Variants in CSNK1G1 observed in about 807,000 individuals in gnomAD.
The protein encoded by CSNK1G1 is casein kinase I isoform gamma-1.
In CSNK1G1, 22 loss-of-function variants were observed where a neutral mutation model predicts 59.6. The ratio of observed to expected loss-of-function variants is 0.37; its 90% CI spans 0.26 to 0.53. The LOEUF (loss-of-function observed/expected upper bound fraction) is 0.53, where lower values mean the gene tolerates loss of function less well. Among genes scored for constraint, CSNK1G1 ranks in the 20% least tolerant of loss-of-function variants. The pLI is 0.89. For synonymous variants in CSNK1G1, 179 were observed against 177.1 expected, an observed-to-expected ratio of 1.01 and a Z score of -0.08; for missense variants, 384 against 519.5, an observed-to-expected ratio of 0.74 and a Z score of 2.54.
At chr15:64,229,444 T>C (rs549373247) in intron 4 of CSNK1G1, among the ~76,000 whole-genome samples, 3 of 152,334 alleles carry the variant, frequency 2.0e-5, no homozygotes, top group Non-Finnish European at 4.4e-5. Context: ...ATGGGTGCCA[T>C]GTCTCTCATG....
At chr15:64,337,696 A>G (rs1486411063) in intron 1 of CSNK1G1, among the ~76,000 whole-genome samples, 1 of 152,206 alleles carries the variant, frequency 6.6e-6, no homozygotes, top group African/African-American at 2.4e-5. Flanking sequence ...TGTACAATTC[A>G]GTGGCATGAA....
intron 1 of CSNK1G1, among the ~76,000 whole-genome samples, chr15:64,310,949 G>A (rs1351534225): frequency 6.8e-6 from 1 of 146,350 alleles, no homozygotes; most frequent in Non-Finnish European, 1.5e-5. Context: ...AAGTTGCAGT[G>A]AGCAGAGATC....
intron 1 of CSNK1G1, among the ~76,000 whole-genome samples, chr15:64,333,505 C>A (rs1897229077): frequency 7.5e-6 from 1 of 133,692 alleles, no homozygotes; most frequent in African/African-American, 2.8e-5. Context: ...ACAAAACTCA[C>A]AAGGTCTATA....
intron 2 of CSNK1G1, among the ~76,000 whole-genome samples, chr15:64,281,565 C>T (rs1042356356): frequency 2.6e-5 from 4 of 152,030 alleles, no homozygotes; most frequent in Non-Finnish European, 4.4e-5. Flanking sequence ...AGGCTGGGGG[C>T]GGTGGCTCAA....
chr15:64,337,414 T>C (rs1163948019), intron 1 of CSNK1G1, among the ~76,000 whole-genome samples: 1 of 152,180 alleles, frequency 6.6e-6, no homozygotes, highest in Admixed American at 6.5e-5. Flanking sequence ...AGTCGTACCA[T>C]GATAGCTCAC....
chr15:64,203,694 TAAAAAAAAAAAA>T (rs531367701), intron 9 of CSNK1G1, among the ~76,000 whole-genome samples: 1 of 56,178 alleles, frequency 1.8e-5, no homozygotes, highest in African/African-American at 7.7e-5. Flanking sequence ...TGAAACTCCG[TAAAAAAAAAAAA>T]AAAAAAAAAA....
At chr15:64,204,004 G>A (rs1012099574) in intron 9 of CSNK1G1, among the ~76,000 whole-genome samples, 20 of 151,836 alleles carry the variant, frequency 1.3e-4, no homozygotes, top group African/African-American at 3.4e-4. Context: ...TTAGCCGGGC[G>A]TGGTGGTGTG....
intron 2 of CSNK1G1, among the ~76,000 whole-genome samples, chr15:64,290,006 C>T (rs1894650328): frequency 6.6e-6 from 1 of 151,876 alleles, no homozygotes. Flanking sequence ...GTTGGTTTTT[C>T]CAATAAGCCT....
chr15:64,266,938 T>C (rs1490916133), intron 2 of CSNK1G1, among the ~76,000 whole-genome samples: 6 of 152,290 alleles, frequency 3.9e-5, no homozygotes, highest in Admixed American at 6.5e-5. Context: ...AAATGCTTCA[T>C]GACATTCTCT....
At position 64,277,339 on chromosome 15, in the gene CSNK1G1, C is replaced by T. The variant is rs1039348185; in HGVS notation, c.182-18098G>A. ...TAATTAGCCAGGCATTGTGGTGCAC[C>T]CTTCAGCCCTAGCTACTTGGGAGGC... On this transcript the variant is annotated intron_variant, in intron 2 of 11. Coordinates refer to ENST00000303052, the MANE Select transcript of CSNK1G1 (RefSeq NM_022048.5). Among the ~76,000 whole-genome samples, 6 of 151,584 alleles carry T rather than the reference C, an allele frequency of 4.0e-5. No homozygotes were observed. The East Asian group carries it at 1.2e-3, about 29-fold the overall frequency.
At chr15:64,230,762 G>T (rs2082536555) in intron 4 of CSNK1G1, among the ~76,000 whole-genome samples, 1 of 152,096 alleles carries the variant, frequency 6.6e-6, no homozygotes, top group South Asian at 2.1e-4. Context: ...CACTAGGTCA[G>T]AAGATTGAGA....
chr15:64,286,133 C>G (rs566062397), intron 2 of CSNK1G1, among the ~76,000 whole-genome samples: 1 of 152,122 alleles, frequency 6.6e-6, no homozygotes, highest in Non-Finnish European at 1.5e-5. Context: ...TTCTCACCCC[C>G]GGACCCCAGC....
rs2081606440 is a variant in CSNK1G1 at position 64,166,625 on chromosome 15, G to C, written c.*5306C>G. 1 of 152,696 alleles carries C rather than the reference G, an allele frequency of 6.5e-6. No homozygotes were observed. The highest frequency in any genetic ancestry group is 6.5e-5 in the Admixed American group (1 of 15,270). The allele number at this position is 152,696 out of a possible 1,614,324, so 9.5% of individuals were successfully genotyped here. A position where few individuals can be genotyped will look rare whatever the true frequency, so the allele number is the denominator to read the frequency against. On this transcript the variant is annotated 3_prime_UTR_variant, in exon 12 of 12. Transcript: ENST00000303052. This position sits in a 1 kb window ranked among gnomAD's most constrained non-coding sequence, Gnocchi z 4.5. ...TAAATATATTTCTCCCCAAAGAAATGGCTCATCTTTCCTGAGACATTCCTA... is the reference window on the plus strand; with the variant it reads ...TAAATATATTTCTCCCCAAAGAAATCGCTCATCTTTCCTGAGACATTCCTA...
At chr15:64,349,532 A>G (rs1898168440) in intron 1 of CSNK1G1, among the ~76,000 whole-genome samples, 1 of 152,178 alleles carries the variant, frequency 6.6e-6, no homozygotes, top group Non-Finnish European at 1.5e-5. Flanking sequence ...TGGGTGAGGG[A>G]CAGACTACAT....
rs141487211 is a variant in CSNK1G1, at chr15:64,195,490, G to A, written c.1107+7592C>T. Among the ~76,000 whole-genome samples, 649 of 152,332 alleles carry A rather than the reference G, an allele frequency of 4.3e-3. 8 individuals carry two copies. The highest frequency in any genetic ancestry group is 0.015 in the African/African-American group (636 of 41,570). Reference sequence around the variant, plus strand: ...TTGGATTTAAAGTACTGAAAGGGCAGGAAGAGTGCTGCTGCATGCACATAG... The same window carrying A: ...TTGGATTTAAAGTACTGAAAGGGCAAGAAGAGTGCTGCTGCATGCACATAG... On this transcript the variant is annotated intron_variant, in intron 10 of 11. Transcript: ENST00000303052.
intron 1 of CSNK1G1, among the ~76,000 whole-genome samples, chr15:64,324,543 A>G (rs1364254389): frequency 2.0e-5 from 3 of 152,228 alleles, no homozygotes. Flanking sequence ...GTGGTTTGCC[A>G]GAGGCTCTCA....
At chr15:64,221,408 C>T (rs2082386680) in intron 4 of CSNK1G1, among the ~76,000 whole-genome samples, 1 of 152,122 alleles carries the variant, frequency 6.6e-6, no homozygotes. Flanking sequence ...CAATTTCTAA[C>T]TATAATGTCA....
chr15:64,340,055 T>C (rs1897605234), intron 1 of CSNK1G1, among the ~76,000 whole-genome samples: 1 of 152,252 alleles, frequency 6.6e-6, no homozygotes, highest in South Asian at 2.1e-4. Context: ...TTCTTTTAAA[T>C]TTCCAAACAT....
At chr15:64,253,716 G>T (rs1290091021) in intron 3 of CSNK1G1, among the ~76,000 whole-genome samples, 1 of 152,096 alleles carries the variant, frequency 6.6e-6, no homozygotes, top group African/African-American at 2.4e-5. Context: ...ATATACATAG[G>T]GTGAAGTATT....
Sources: allele counts gnomAD v4.1 joint callset (sites outside exome capture counted in the v4.1 genomes callset), GRCh38; gene constraint gnomAD v4.1.1; non-coding constraint Gnocchi (gnomAD v3.1); transcripts MANE v1.5; gene names NCBI Gene and HGNC (gene_info 2026-07-23, HGNC 2026-07-21).